BMPR1B: variants seen among roughly 807,000 people sequenced by gnomAD.
BMPR1B encodes the protein bone morphogenetic protein receptor type-1B.
Under a neutral mutation model 59.1 loss-of-function variants are expected in BMPR1B, and 12 were observed. The ratio of observed to expected loss-of-function variants is 0.20; its 90% confidence interval spans 0.13 to 0.33. BMPR1B has a LOEUF of 0.33. Ranked by LOEUF, BMPR1B falls within the 10% of genes least tolerant of loss-of-function variation. BMPR1B has a pLI of 1.00. For missense variants in BMPR1B, 550 were observed against 610.9 expected, an observed-to-expected ratio of 0.90 and a Z score of 1.05; for synonymous variants, 237 against 207.3, an observed-to-expected ratio of 1.14 and a Z score of -1.23.
chr4:94,867,178 G>C (rs930810261), intron 1 of BMPR1B, among the ~76,000 whole-genome samples: 4 of 152,028 alleles, frequency 2.6e-5, no homozygotes, highest in African/African-American at 9.7e-5. Context: ...ATTCTAGCAT[G>C]GCTAACCCTT....
intron 6 of BMPR1B, among the ~76,000 whole-genome samples, chr4:95,120,960 C>A (rs1366228154): frequency 6.6e-6 from 1 of 152,138 alleles, no homozygotes; most frequent in East Asian, 1.9e-4. Context: ...AGGCGTGTGC[C>A]ATCATGCCCA....
chr4:95,052,852 G>C (rs1258344266), intron 3 of BMPR1B, among the ~76,000 whole-genome samples: 1 of 152,144 alleles, frequency 6.6e-6, no homozygotes, highest in Non-Finnish European at 1.5e-5. Flanking sequence ...TGCTAGTTTA[G>C]TCTCTAAAAA....
chr4:95,134,543 T>C (rs1017785064), intron 10 of BMPR1B, among the ~76,000 whole-genome samples: 2 of 152,212 alleles, frequency 1.3e-5, no homozygotes, highest in African/African-American at 4.8e-5. Flanking sequence ...TTTCCTGACT[T>C]TTTAATGATC....
At position 95,143,176 on chromosome 4, in the gene BMPR1B, C is replaced by T. The variant is rs548427362; in HGVS notation, c.1077-5572C>T. On this transcript the variant is annotated intron_variant, in intron 10 of 12. Coordinates refer to ENST00000515059, the MANE Select transcript of BMPR1B (RefSeq NM_001203.3). ...TACACTAACACCTGCAGTGCACACA[C>T]GCCATACCAGGCAGCAGTGCTGTGC... Among the ~76,000 whole-genome samples the T allele has an allele frequency of 1.2e-3, 183 of 152,314 alleles. 1 individual carries two copies. The highest frequency in any genetic ancestry group is 3.4e-3 in the Middle Eastern group (1 of 294).
At chr4:94,981,428 A>G (rs1721077796) in intron 2 of BMPR1B, among the ~76,000 whole-genome samples, 2 of 152,266 alleles carry the variant, frequency 1.3e-5, no homozygotes, top group Admixed American at 1.3e-4. Context: ...AGTAGTTAGC[A>G]TATTTTAATA....
Position 94,841,074 on chromosome 4 carries a change from C to T in BMPR1B, c.-182-34757C>T, listed in dbSNP as rs1435054521. On this transcript the variant is annotated intron_variant, in intron 1 of 12. Coordinates refer to ENST00000515059, the MANE Select transcript of BMPR1B (RefSeq NM_001203.3). The stretch of plus-strand genomic sequence containing the variant: ...GGGGGTGCCTCCCAGTTAGGCTGTT[C>T]GGGTGTCAGGGGTCAGGGACCCACT... Among the ~76,000 whole-genome samples, 10 of 148,030 alleles carry T rather than the reference C, an allele frequency of 6.8e-5. 1 individual carries two copies. In the East Asian group the frequency reaches 9.6e-4, roughly 14 times the overall value.
At chr4:95,129,084 G>C (rs1733113303) in intron 8 of BMPR1B, among the ~76,000 whole-genome samples, 1 of 152,048 alleles carries the variant, frequency 6.6e-6, no homozygotes, top group South Asian at 2.1e-4. Context: ...TTGTATGGTG[G>C]CAAGAGTTCC....
intron 1 of BMPR1B, among the ~76,000 whole-genome samples, chr4:94,780,165 T>A (rs1366983062): frequency 1.2e-4 from 18 of 152,316 alleles, no homozygotes; most frequent in South Asian, 8.3e-4. Context: ...TTTTTTCATG[T>A]CACTTTAATA....
chr4:95,029,704 T>C (rs1724686128), intron 3 of BMPR1B, among the ~76,000 whole-genome samples: 1 of 152,168 alleles, frequency 6.6e-6, no homozygotes, highest in African/African-American at 2.4e-5. Flanking sequence ...ACTTCCATAA[T>C]GGTGGAACTA....
intron 3 of BMPR1B, among the ~76,000 whole-genome samples, chr4:95,081,519 A>G (rs191207320): frequency 6.6e-6 from 1 of 152,202 alleles, no homozygotes; most frequent in South Asian, 2.1e-4. Context: ...TTTTATCCAC[A>G]TAACTGATCT....
chr4:95,092,603 G>T (rs555022667), intron 3 of BMPR1B, among the ~76,000 whole-genome samples: 1 of 152,046 alleles, frequency 6.6e-6, no homozygotes, highest in African/African-American at 2.4e-5. Context: ...ATTTGAACTA[G>T]CAATATATTT....
chr4:94,892,503 T>G (rs1727438960), intron 2 of BMPR1B, among the ~76,000 whole-genome samples: 1 of 152,064 alleles, frequency 6.6e-6, no homozygotes, highest in Admixed American at 6.6e-5. Flanking sequence ...ACACAAGGAT[T>G]TATTGAACAA....
At chr4:94,871,477 T>C (rs1726495824) in intron 1 of BMPR1B, among the ~76,000 whole-genome samples, 1 of 152,366 alleles carries the variant, frequency 6.6e-6, no homozygotes, top group South Asian at 2.1e-4. Context: ...GAAGTACTCA[T>C]GTTATTCTTT....
intron 8 of BMPR1B, among the ~76,000 whole-genome samples, chr4:95,128,535 A>G (rs1030046766): frequency 6.6e-6 from 1 of 152,180 alleles, no homozygotes; most frequent in African/African-American, 2.4e-5. Flanking sequence ...ATAAAGAGAC[A>G]TTTAAATTTA....
intron 2 of BMPR1B, among the ~76,000 whole-genome samples, chr4:94,922,862 T>G (rs1728753919): frequency 6.6e-6 from 1 of 152,182 alleles, no homozygotes; most frequent in Non-Finnish European, 1.5e-5. Context: ...GATCATTTGC[T>G]ATCCAGACCC....
At chr4:95,139,580 G>C (rs866857185) in intron 10 of BMPR1B, among the ~76,000 whole-genome samples, 33 of 152,326 alleles carry the variant, frequency 2.2e-4, no homozygotes, top group Admixed American at 1.6e-3. Context: ...GAGCTTCCTG[G>C]CTGCTTTGTT....
intron 2 of BMPR1B, among the ~76,000 whole-genome samples, chr4:94,994,029 G>A (rs902435688): frequency 1.3e-5 from 2 of 152,078 alleles, no homozygotes; most frequent in East Asian, 3.9e-4. Context: ...TTCCAATAGG[G>A]TAGAAATTAA....
intron 3 of BMPR1B, among the ~76,000 whole-genome samples, chr4:95,007,579 G>A (rs917720419): frequency 1.3e-5 from 2 of 152,122 alleles, no homozygotes; most frequent in South Asian, 2.1e-4. Context: ...ATAATTTAAG[G>A]TTCTTATAAA....
chr4:94,793,227 C>T (rs918685429), intron 1 of BMPR1B, among the ~76,000 whole-genome samples: 97 of 151,212 alleles, frequency 6.4e-4, no homozygotes, highest in African/African-American at 2.3e-3. Context: ...TCCATGTGAT[C>T]TCATTGTTCA....
Sources: allele counts gnomAD v4.1 joint callset (sites outside exome capture counted in the v4.1 genomes callset), GRCh38; gene constraint gnomAD v4.1.1; transcripts MANE v1.5; gene names NCBI Gene and HGNC (gene_info 2026-07-23, HGNC 2026-07-21).